PTPRD: variants seen among roughly 807,000 people sequenced by gnomAD.
PTPRD encodes protein tyrosine phosphatase receptor type D.
A neutral mutation model predicts 214.5 loss-of-function variants in PTPRD; 34 were observed. The ratio of observed to expected loss-of-function variants is 0.16; its 90% CI spans 0.12 to 0.21. PTPRD has a LOEUF of 0.21. Ranked by LOEUF, PTPRD falls within the 10% of genes least tolerant of loss-of-function variation. The pLI, the probability that PTPRD is intolerant of heterozygous loss-of-function variation, is 1.00. For synonymous variants in PTPRD, 1,128 were observed against 845.7 expected, an observed-to-expected ratio of 1.33 and a Z score of -5.79; for missense variants, 2,545 against 2,398.7, an observed-to-expected ratio of 1.06 and a Z score of -1.27.
chr9:9,404,594 C>T (rs942016869), intron 8 of PTPRD, among the ~76,000 whole-genome samples: 1 of 152,002 alleles, frequency 6.6e-6, no homozygotes, highest in African/African-American at 2.4e-5. Context: ...TGTTGATTAG[C>T]GTCAACACAC....
chr9:8,546,703 T>C (rs745398814), intron 14 of PTPRD, among the ~76,000 whole-genome samples: 1 of 152,146 alleles, frequency 6.6e-6, no homozygotes, highest in Admixed American at 6.5e-5. Context: ...TTTCACCACG[T>C]TGGCCAGGCT....
At chr9:9,522,071 C>T (rs2096989221) in intron 8 of PTPRD, among the ~76,000 whole-genome samples, 1 of 148,604 alleles carries the variant, frequency 6.7e-6, no homozygotes, top group South Asian at 2.1e-4. Flanking sequence ...GCAGGAGAAT[C>T]GCTTGAAACT....
chr9:8,324,897 T>G (rs1263797663), intron 44 of PTPRD, among the ~76,000 whole-genome samples: 1 of 152,224 alleles, frequency 6.6e-6, no homozygotes, highest in Admixed American at 6.5e-5. Flanking sequence ...CATCAGTGTC[T>G]TCTTTTGAGA....
chr9:8,714,671 G>T (rs2098411486), intron 12 of PTPRD, among the ~76,000 whole-genome samples: 1 of 151,908 alleles, frequency 6.6e-6, no homozygotes, highest in Non-Finnish European at 1.5e-5. Context: ...TCCTCCCCAT[G>T]GCTAACTTCC....
chr9:10,174,985 T>G lies in PTPRD; in HGVS notation c.-544-141195A>C, dbSNP rs143476572. 6.9e-3 allele frequency among the ~76,000 whole-genome samples: 1,055 copies of G among 152,226 alleles called. 13 individuals are homozygous for G. The highest frequency in any genetic ancestry group is 0.023 in the African/African-American group (950 of 41,558). On this transcript the variant is annotated intron_variant, in intron 3 of 45. Coordinates refer to ENST00000381196, the MANE Select transcript of PTPRD (RefSeq NM_002839.4). ...AAATAGCTAGCTTGAGATTGTCTAT[T>G]ATTAAATACATTTCTTAAAATAACC...
chr9:9,240,199 T>C (rs1469043971), intron 9 of PTPRD, among the ~76,000 whole-genome samples: 1 of 152,150 alleles, frequency 6.6e-6, no homozygotes, highest in Admixed American at 6.6e-5. Flanking sequence ...AAAAATATTT[T>C]TGGTATTCTG....
intron 8 of PTPRD, among the ~76,000 whole-genome samples, chr9:9,423,942 T>C (rs1028249836): frequency 1.3e-5 from 2 of 152,222 alleles, no homozygotes; most frequent in African/African-American, 4.8e-5. Flanking sequence ...GTGGATTCTA[T>C]AATGCACCAC....
chr9:9,922,672 CAA>C (rs1325008130), intron 5 of PTPRD, among the ~76,000 whole-genome samples: 1 of 151,710 alleles, frequency 6.6e-6, no homozygotes, highest in Admixed American at 6.6e-5. Flanking sequence ...TAAAAAATAA[CAA>C]AAAAGTTATT....
At chr9:10,140,648 C>T (rs1027205892) in intron 3 of PTPRD, among the ~76,000 whole-genome samples, 5 of 152,192 alleles carry the variant, frequency 3.3e-5, no homozygotes, top group African/African-American at 4.8e-5. Flanking sequence ...GATGGATTGA[C>T]AGCCGAATTC....
At chr9:8,534,139 T>C (rs1322891144) in intron 14 of PTPRD, among the ~76,000 whole-genome samples, 1 of 152,104 alleles carries the variant, frequency 6.6e-6, no homozygotes, top group East Asian at 1.9e-4. Flanking sequence ...TTTATCACGG[T>C]TGCTATGTGA....
In PTPRD at chr9:9,905,268, T is replaced by G. The variant is rs532365073; in HGVS notation, c.-368+33239A>C. On this transcript the variant is annotated intron_variant, in intron 5 of 45. Transcript: ENST00000381196. ...AAACATATAGTCACCCTAAATTCAG[T>G]TTGATTATTGAAAGTCAGGGTTCTT... Among the ~76,000 whole-genome samples, 26 of 152,112 alleles carry G rather than the reference T, an allele frequency of 1.7e-4. No homozygotes were observed. In the South Asian group the frequency reaches 5.0e-3, roughly 29 times the overall value.
At chr9:9,582,320 C>T (rs576464920) in intron 7 of PTPRD, among the ~76,000 whole-genome samples, 317 of 150,530 alleles carry the variant, frequency 2.1e-3, no homozygotes, top group African/African-American at 7.3e-3. Context: ...TTTGTCCCTC[C>T]GTCCCTAAGT....
intron 3 of PTPRD, among the ~76,000 whole-genome samples, chr9:10,054,924 T>C (rs1314122128): frequency 2.0e-5 from 3 of 151,998 alleles, no homozygotes; most frequent in Non-Finnish European, 2.9e-5. Context: ...TAGGAGATAA[T>C]TAGGTTTAGA....
chr9:10,294,467 A>T (rs1456817711), intron 3 of PTPRD, among the ~76,000 whole-genome samples: 1 of 151,832 alleles, frequency 6.6e-6, no homozygotes, highest in Non-Finnish European at 1.5e-5. Flanking sequence ...CTGTAAATCA[A>T]GTCAACTCAA....
chr9:9,368,296 A>T (rs756134573), intron 9 of PTPRD, among the ~76,000 whole-genome samples: 4 of 144,898 alleles, frequency 2.8e-5, no homozygotes, highest in Non-Finnish European at 6.1e-5. Flanking sequence ...ACAGGATTTT[A>T]TGAGGTTTAT....
chr9:10,562,475 CT>C (rs2064275674), intron 2 of PTPRD, among the ~76,000 whole-genome samples: 1 of 151,922 alleles, frequency 6.6e-6, no homozygotes, highest in African/African-American at 2.4e-5. Flanking sequence ...TTGAAAGTTA[CT>C]GAAGCATTTT....
At chr9:10,036,980 C>A (rs1484124945) in intron 3 of PTPRD, among the ~76,000 whole-genome samples, 1 of 151,988 alleles carries the variant, frequency 6.6e-6, no homozygotes, top group African/African-American at 2.4e-5. Context: ...ATCTCCCAGG[C>A]TTAAGTGATC....
At chr9:9,807,188 G>C (rs980920280) in intron 5 of PTPRD, among the ~76,000 whole-genome samples, 5 of 152,114 alleles carry the variant, frequency 3.3e-5, no homozygotes, top group African/African-American at 9.7e-5. Flanking sequence ...CCATTGAGGA[G>C]GCAAGAATTG....
chr9:10,421,461 A>G (rs1256064547), intron 2 of PTPRD, among the ~76,000 whole-genome samples: 2 of 151,934 alleles, frequency 1.3e-5, no homozygotes, highest in Admixed American at 1.3e-4. Flanking sequence ...TTATTTGGCC[A>G]TTTCTGATTG....
Sources: gnomAD v4.1 joint callset for allele counts (sites outside exome capture counted in the v4.1 genomes callset) on GRCh38, gnomAD v4.1.1 for gene constraint, MANE v1.5 for transcripts, NCBI Gene and HGNC (gene_info 2026-07-23, HGNC 2026-07-21) for gene names.